CEACAM4: variants seen among roughly 807,000 people sequenced by gnomAD.
The protein encoded by CEACAM4 is CEA cell adhesion molecule 4, also known as cell adhesion molecule CEACAM4.
In CEACAM4, 30 loss-of-function variants were observed where a neutral mutation model predicts 28.7. The ratio of observed to expected loss-of-function variants is 1.05; its 90% confidence interval spans 0.78 to 1.42. The LOEUF (loss-of-function observed/expected upper bound fraction) is 1.42. Ranked by LOEUF, CEACAM4 falls within the 40% of genes most tolerant of loss-of-function variation. The pLI, the probability that CEACAM4 is intolerant of heterozygous loss-of-function variation, is 0.00. For missense variants in CEACAM4, 330 were observed against 308.2 expected (o/e 1.07, Z -0.53); for synonymous variants, 143 against 126.5 (o/e 1.13, Z -0.87).
chr19:41,620,446 G>T, intron 4 of CEACAM4, 129 bp downstream of exon 4: 1 of 923,278 alleles, frequency 1.1e-6, no homozygotes, highest in Non-Finnish European at 1.6e-6. Flanking sequence ...GGTCCCCTGT[G>T]TCATGTTTCC....
At chr19:41,618,964 G>A (rs1427782937), downstream of CEACAM4, 5 of 259,564 alleles carry the variant, frequency 1.9e-5, 1 homozygote, top group South Asian at 2.2e-4. Context: ...GAATGGACAC[G>A]GAGTTTCAGG....
chr19:41,622,599 T>C (rs2071359846), intron 2 of CEACAM4, among the ~76,000 whole-genome samples: 1 of 152,180 alleles, frequency 6.6e-6, no homozygotes, highest in Non-Finnish European at 1.5e-5. Context: ...ATCTGAGACT[T>C]ACAGTACCTC....
the CEACAM4 span, among the ~76,000 whole-genome samples, chr19:41,613,519 A>ACC: frequency 6.6e-6 from 1 of 150,766 alleles, no homozygotes; most frequent in Non-Finnish European, 1.5e-5. Flanking sequence ...ACACACACAC[A>ACC]TACACCCACA....
intron 2 of CEACAM4, among the ~76,000 whole-genome samples, chr19:41,622,249 T>C (rs1477000813): frequency 6.6e-6 from 1 of 152,116 alleles, no homozygotes; most frequent in Non-Finnish European, 1.5e-5. Flanking sequence ...GGCTAATTTT[T>C]ATATTTTTAG....
At chr19:41,619,462 G>C in intron 6 of CEACAM4, 67 bp from the exon 7 acceptor site, 2 of 1,596,104 alleles carry the variant, frequency 1.3e-6, no homozygotes. Context: ...CATCTCCCAG[G>C]CTCTGGGCCC....
In CEACAM4 at chr19:41,627,041, C is replaced by CGGCTG; in HGVS notation, c.-83_-79dup. On this transcript the variant is annotated 5_prime_UTR_variant, in exon 1 of 7. Transcript: ENST00000221954. ...CTCTTGTCAGAGCTGCTGTGACTGT[C>CGGCTG]GGCTGTCGGGGCTGCTGACCTTCCT... is the stretch of plus-strand genomic sequence containing the variant. 4 of 1,317,304 alleles carry CGGCTG rather than the reference C, an allele frequency of 3.0e-6. No individual in the cohort carries two copies. Among genetic ancestry groups the CGGCTG allele is most frequent in the Non-Finnish European group, 4.2e-6 (4 of 960,014 alleles). The allele number at this position is 1,317,304 out of a possible 1,614,324, so 81.6% of individuals were successfully genotyped here.
In CEACAM4 at chr19:41,625,815, C is replaced by G; in HGVS notation, c.210G>C (p.Gly70=). 1 of 1,613,958 alleles carries G rather than the reference C, an allele frequency of 6.2e-7. No homozygotes were observed. Among genetic ancestry groups the G allele is most frequent in the Non-Finnish European group, 8.5e-7 (1 of 1,179,970 alleles). Residue 70 remains glycine, a synonymous_variant, in exon 2 of 7, where the codon GGG becomes GGC. Transcript: ENST00000221954. The stretch of plus-strand genomic sequence containing the variant: ...TGAGAGGGCTCCCTTCTGCCGTTTT[C>G]CCCTTGTGCCAATAATAGGCTTGAA... ...ETIQAYYWHK[G]KTAEGSPLIA...
At chr19:41,616,948 G>A (rs2070992423), downstream of CEACAM4, among the ~76,000 whole-genome samples, 1 of 152,228 alleles carries the variant, frequency 6.6e-6, no homozygotes, top group Non-Finnish European at 1.5e-5. Flanking sequence ...GCAGGGAGTG[G>A]CAGCAGATGT....
In CEACAM4 at chr19:41,620,617, G is replaced by C. The variant is rs1272675896; in HGVS notation, c.553C>G (p.Gln185Glu). The change falls in exon 4 of 7, where the codon CAG becomes GAG. Residue 185 changes from glutamine to glutamate, a missense_variant. Physicochemically the swap from Gln to Glu is conservative, Grantham distance 29 (BLOSUM62 2). Transcript: ENST00000221954. ...LLSRTGRASI[Q>E]RDLREQPPPA... ...GGCGGCTGCTCCCTGAGGTCACGCT[G>C]GATGCTGGCCCTAGGAAAGGTCAGG... 9.9e-6 allele frequency: 16 copies of C among 1,612,436 alleles called. No individual in the cohort carries two copies. Among genetic ancestry groups the C allele is most frequent in the Non-Finnish European group, 1.4e-5 (16 of 1,179,062 alleles).
downstream of CEACAM4, among the ~76,000 whole-genome samples, chr19:41,617,931 C>T (rs1396894296): frequency 6.6e-6 from 1 of 152,146 alleles, no homozygotes; most frequent in Non-Finnish European, 1.5e-5. Flanking sequence ...AGAGCTAAAT[C>T]CTGATGCAAA....
downstream of CEACAM4, chr19:41,619,002 G>C: frequency 2.9e-6 from 1 of 344,886 alleles, no homozygotes; most frequent in Non-Finnish European, 5.2e-6. Flanking sequence ...CCCGTGAGCA[G>C]AAAAAGAGCC....
intron 2 of CEACAM4, among the ~76,000 whole-genome samples, chr19:41,624,676 T>C (rs2071523197): frequency 1.3e-5 from 2 of 152,316 alleles, no homozygotes; most frequent in African/African-American, 4.8e-5. Context: ...ACAGCCCTCA[T>C]GTGACTCTGC....
chr19:41,620,144 T>C (rs2071175446), intron 5 of CEACAM4, 67 bp downstream of exon 5: 2 of 1,367,772 alleles, frequency 1.5e-6, no homozygotes, highest in South Asian at 1.4e-5. Context: ...GGGTTGATGG[T>C]CCCCCTGCCC....
At chr19:41,614,175 C>T (rs2070962924), downstream of CEACAM4, among the ~76,000 whole-genome samples, 1 of 152,200 alleles carries the variant, frequency 6.6e-6, no homozygotes. Context: ...TGAGGCTGCT[C>T]GTCACTTGTC....
At chr19:41,619,892 C>T (rs2071155599) in intron 5 of CEACAM4, among the ~76,000 whole-genome samples, 181 bp from the exon 6 acceptor site, 1 of 152,062 alleles carries the variant, frequency 6.6e-6, no homozygotes, top group African/African-American at 2.4e-5. Context: ...ACACAACACC[C>T]TGACCCCTGT....
In CEACAM4 at chr19:41,619,331, T is replaced by G. The variant is rs1009862715; in HGVS notation, c.734A>C (p.Ter245SerextTer10). 4.3e-6 allele frequency: 7 copies of G among 1,613,690 alleles called. No individual in the cohort carries two copies. Among genetic ancestry groups the G allele is most frequent in the Admixed American group, 3.3e-5 (2 of 60,010 alleles). The change falls in exon 7 of 7, where the codon TAG (stop) becomes TCG (serine). Residue 245 changes from the stop codon to serine, a stop_lost. Coordinates refer to ENST00000221954, the MANE Select transcript of CEACAM4 (RefSeq NM_001817.4). ...CACAAGAGCAGCTCCCAGAGGAACC[T>G]AAGAGACCACATCTGCTTTGTGGTC... is the stretch of plus-strand genomic sequence containing the variant. ...QIDHKADVVS[*>S]
rs373534984 is a variant in CEACAM4 at position 41,620,673 on chromosome 19, A to G, written c.543-46T>C. On this transcript the variant is annotated intron_variant, in intron 3 of 6. Transcript: ENST00000221954. ...TCATGAGGGTGCAGGGAGAAATCAC[A>G]GGTTTAGGGGCAGAATAAAGGACAA... The G allele has an allele frequency of 3.9e-4, 589 of 1,504,596 alleles. 4 individuals carry two copies. The African/African-American group carries it at 7.5e-3, about 19-fold the overall frequency. 93.2% of individuals were successfully genotyped at this position (1,504,596 alleles called of 1,614,324 possible).
rs782413836 is a variant in CEACAM4, at chr19:41,619,720, G to A, written c.628-9C>T. ...GGGCTGGGTAGAGGGGCCTGGGCAGGGGAGAGAGGAGATGTCAGGGGACAG... is the reference window on the plus strand; with the variant it reads ...GGGCTGGGTAGAGGGGCCTGGGCAGAGGAGAGAGGAGATGTCAGGGGACAG... On this transcript the variant is annotated splice_polypyrimidine_tract_variant and intron_variant, in intron 5 of 6. Coordinates refer to ENST00000221954, the MANE Select transcript of CEACAM4 (RefSeq NM_001817.4). The A allele has an allele frequency of 1.9e-6, 3 of 1,561,878 alleles. No individual in the cohort carries two copies. The East Asian group carries it at 6.9e-5, about 36-fold the overall frequency.
intron 4 of CEACAM4, 40 bp from the exon 5 acceptor site, chr19:41,620,282 G>A: frequency 7.0e-7 from 1 of 1,432,336 alleles, no homozygotes. Flanking sequence ...GGTGGGAGGA[G>A]AGCCTGGGCC....
Sources: gnomAD v4.1 joint callset for allele counts (sites outside exome capture counted in the v4.1 genomes callset) on GRCh38, gnomAD v4.1.1 for gene constraint, MANE v1.5 for transcripts, NCBI Gene and HGNC (gene_info 2026-07-23, HGNC 2026-07-21) for gene names.